Variants in DLGAP1 observed in about 807,000 individuals in gnomAD.
DLGAP1 encodes the protein disks large-associated protein 1.
DLGAP1 carries 11 observed loss-of-function variants against 90.8 expected under a neutral mutation model. The observed-to-expected ratio is 0.12, with a 90% CI of 0.08 to 0.20. The LOEUF is 0.20. DLGAP1 is among the 10% of genes least tolerant of loss of function. The pLI is 1.00. For missense variants in DLGAP1, 1,050 were observed against 1,333.8 expected (o/e 0.79, Z 3.31); for synonymous variants, 558 against 540.7 (o/e 1.03, Z -0.44).
chr18:4,003,377 G>A (rs1463374443), intron 3 of DLGAP1, among the ~76,000 whole-genome samples: 5 of 151,676 alleles, frequency 3.3e-5, no homozygotes, highest in Non-Finnish European at 7.4e-5. Flanking sequence ...AAGAAGGCAG[G>A]AGCCCAAGGA....
chr18:3,827,418 G>A (rs892118284), intron 4 of DLGAP1, among the ~76,000 whole-genome samples: 16 of 152,298 alleles, frequency 1.1e-4, no homozygotes, highest in Middle Eastern at 3.4e-3. Context: ...AAGGAGTAAC[G>A]TACTGTCACA....
chr18:3,577,142 TG>T (rs1393900656), intron 8 of DLGAP1, among the ~76,000 whole-genome samples: 1 of 152,106 alleles, frequency 6.6e-6, no homozygotes, highest in Non-Finnish European at 1.5e-5. Context: ...ATTACAGGGG[TG>T]CGCCACCGTG....
Position 3,750,553 on chromosome 18 carries a change from C to A in DLGAP1, c.1173-8041G>T, listed in dbSNP as rs546517011. On this transcript the variant is annotated intron_variant, in intron 5 of 12. Coordinates refer to ENST00000315677, the MANE Select transcript of DLGAP1 (RefSeq NM_004746.4). ...CTTGCCTCTCTCTCCTTCAGCACTT[C>A]TTGGTCTACTGCTTCCTCAGTCCAG... 2.0e-5 allele frequency among the ~76,000 whole-genome samples: 3 copies of A among 152,342 alleles called. No individual in the cohort carries two copies. The East Asian group carries it at 5.8e-4, about 29-fold the overall frequency.
At chr18:4,125,309 A>C (rs930817455) in intron 2 of DLGAP1, among the ~76,000 whole-genome samples, 2 of 152,202 alleles carry the variant, frequency 1.3e-5, no homozygotes, top group African/African-American at 2.4e-5. Flanking sequence ...CCAGCCTAGC[A>C]GTAGGAAGTG....
In DLGAP1 at chr18:3,711,142, A is replaced by G. The variant is rs528362207; in HGVS notation, c.1591+17993T>C. Among the ~76,000 whole-genome samples, 2 of 152,348 alleles carry G rather than the reference A, an allele frequency of 1.3e-5. No homozygotes were observed. Among genetic ancestry groups the G allele is most frequent in the Admixed American group, 6.5e-5 (1 of 15,296 alleles). On this transcript the variant is annotated intron_variant, in intron 7 of 12. Coordinates refer to ENST00000315677, the MANE Select transcript of DLGAP1 (RefSeq NM_004746.4). This position sits in a 1 kb window ranked among gnomAD's most constrained non-coding sequence, Gnocchi z 4.0. Reference sequence around the variant, plus strand: ...ACTTGGCTATAAACACGATGATCTCAGCCACAGAGTGTAAGAGGGCAGCAC... The same window carrying G: ...ACTTGGCTATAAACACGATGATCTCGGCCACAGAGTGTAAGAGGGCAGCAC...
At chr18:3,988,845 T>C (rs2073898660) in intron 3 of DLGAP1, among the ~76,000 whole-genome samples, 1 of 152,222 alleles carries the variant, frequency 6.6e-6, no homozygotes, top group Admixed American at 6.5e-5. Context: ...CAGTTTCTAA[T>C]GCCAGTCCGC....
At position 4,400,502 on chromosome 18, in the gene DLGAP1, C is replaced by T. The variant is rs563422062; in HGVS notation, c.-267+54504G>A. 6.1e-4 allele frequency among the ~76,000 whole-genome samples: 93 copies of T among 152,228 alleles called. 1 individual carries two copies. Among genetic ancestry groups the T allele is most frequent in the African/African-American group, 2.2e-3 (90 of 41,556 alleles). On this transcript the variant is annotated intron_variant, in intron 1 of 12. Coordinates refer to ENST00000315677, the MANE Select transcript of DLGAP1 (RefSeq NM_004746.4). ...AAGGAAACTGTCAGGTTGGCTCTTT[C>T]CTGTGTCCCATGTATATTTTCACGG...
chr18:3,993,360 T>C (rs1173437636), intron 3 of DLGAP1, among the ~76,000 whole-genome samples: 1 of 152,212 alleles, frequency 6.6e-6, no homozygotes, highest in African/African-American at 2.4e-5. Context: ...CAAATTCTCA[T>C]TGATTTTAAT....
At chr18:4,338,857 T>G (rs781237401) in intron 1 of DLGAP1, among the ~76,000 whole-genome samples, 37 of 152,208 alleles carry the variant, frequency 2.4e-4, no homozygotes, top group Non-Finnish European at 1.0e-4. Context: ...CAGAGTCATT[T>G]ATTCAATGTA....
At chr18:3,523,847 CAAA>C (rs36093730) in intron 10 of DLGAP1, among the ~76,000 whole-genome samples, 1 of 114,326 alleles carries the variant, frequency 8.7e-6, no homozygotes, top group Non-Finnish European at 1.9e-5. Flanking sequence ...GACTCTGTCT[CAAA>C]AAAAAAAAAA....
At chr18:4,341,292 T>G (rs946633471) in intron 1 of DLGAP1, among the ~76,000 whole-genome samples, 2 of 152,218 alleles carry the variant, frequency 1.3e-5, no homozygotes, top group East Asian at 3.9e-4. Flanking sequence ...TTATACATCA[T>G]GCACTTTAGA....
intron 1 of DLGAP1, among the ~76,000 whole-genome samples, chr18:4,298,828 T>G (rs532176503): frequency 2.6e-4 from 40 of 151,426 alleles, no homozygotes; most frequent in Non-Finnish European, 5.0e-4. Flanking sequence ...ACGCCTGTAA[T>G]CCCAGCACTT....
intron 2 of DLGAP1, among the ~76,000 whole-genome samples, chr18:4,087,916 G>GTCAA (rs1482363571): frequency 9.9e-5 from 15 of 152,164 alleles, no homozygotes; most frequent in African/African-American, 3.4e-4. Flanking sequence ...ATTGACATCT[G>GTCAA]TGTCACTGCT....
At chr18:4,433,229 T>C (rs1285570183) in intron 1 of DLGAP1, among the ~76,000 whole-genome samples, 1 of 152,236 alleles carries the variant, frequency 6.6e-6, no homozygotes, top group Non-Finnish European at 1.5e-5. Flanking sequence ...GCTAAGTCAT[T>C]TAATTTCTGT....
intron 1 of DLGAP1, among the ~76,000 whole-genome samples, chr18:4,268,353 T>C (rs2079177161): frequency 6.6e-6 from 1 of 152,182 alleles, no homozygotes; most frequent in African/African-American, 2.4e-5. Context: ...TACAGTGTAG[T>C]TAAATAGAAA....
intron 3 of DLGAP1, among the ~76,000 whole-genome samples, chr18:3,978,963 T>C (rs1362527998): frequency 1.3e-5 from 2 of 152,090 alleles, no homozygotes; most frequent in East Asian, 1.9e-4. Flanking sequence ...AATGACCACA[T>C]TGAGTAATAA....
intron 1 of DLGAP1, among the ~76,000 whole-genome samples, chr18:4,208,967 G>T (rs921337478): frequency 1.3e-5 from 2 of 152,202 alleles, no homozygotes; most frequent in African/African-American, 4.8e-5. Flanking sequence ...CACAACCACT[G>T]TCAGTGGCAA....
At chr18:3,789,213 T>A (rs2065604969) in intron 5 of DLGAP1, among the ~76,000 whole-genome samples, 2 of 152,200 alleles carry the variant, frequency 1.3e-5, no homozygotes, top group South Asian at 4.1e-4. Context: ...GATAATTTAC[T>A]AGAGAAATGT....
At chr18:4,067,339 A>G (rs748178853) in intron 2 of DLGAP1, among the ~76,000 whole-genome samples, 1 of 152,020 alleles carries the variant, frequency 6.6e-6, no homozygotes, top group African/African-American at 2.4e-5. Flanking sequence ...AAAGTAAAAA[A>G]GAAAGAAAGG....
Sources: allele counts gnomAD v4.1 joint callset (sites outside exome capture counted in the v4.1 genomes callset), GRCh38; gene constraint gnomAD v4.1.1; non-coding constraint Gnocchi (gnomAD v3.1); transcripts MANE v1.5; gene names NCBI Gene and HGNC (gene_info 2026-07-23, HGNC 2026-07-21).